ZNF608: variants seen among roughly 807,000 people sequenced by gnomAD.
ZNF608 encodes renal carcinoma antigen NY-REN-36.
ZNF608 carries 12 observed loss-of-function variants against 109.0 expected under a neutral mutation model. The ratio of observed to expected loss-of-function variants is 0.11; its 90% CI spans 0.07 to 0.18. ZNF608 has a LOEUF of 0.18. ZNF608 is among the 10% of genes least tolerant of loss of function. The pLI is 1.00. For synonymous variants in ZNF608, 732 were observed against 717.4 expected, an observed-to-expected ratio of 1.02 and a Z score of -0.33; for missense variants, 1,707 against 1,879.3, an observed-to-expected ratio of 0.91 and a Z score of 1.70.
chr5:124,688,174 T>TA (rs1752475354), intron 3 of ZNF608, among the ~76,000 whole-genome samples: 1 of 152,140 alleles, frequency 6.6e-6, no homozygotes, highest in African/African-American at 2.4e-5. Context: ...TCTTCATATT[T>TA]AAAAGTATCT....
At chr5:124,727,576 G>T (rs1330671917) in intron 2 of ZNF608, among the ~76,000 whole-genome samples, 2 of 140,830 alleles carry the variant, frequency 1.4e-5, no homozygotes, top group Non-Finnish European at 3.0e-5. Context: ...CAATCCTCAA[G>T]ATCTCATTTT....
chr5:124,687,219 A>G (rs1752442257), intron 3 of ZNF608, among the ~76,000 whole-genome samples: 1 of 152,162 alleles, frequency 6.6e-6, no homozygotes, highest in Admixed American at 6.5e-5. Context: ...TTTTCTTTGG[A>G]TGGTCTGTAT....
At chr5:124,694,236 GC>G (rs1215632209) in intron 3 of ZNF608, among the ~76,000 whole-genome samples, 1 of 137,472 alleles carries the variant, frequency 7.3e-6, no homozygotes, top group African/African-American at 2.7e-5. Flanking sequence ...CTCCTGATCC[GC>G]CCGCCTCGGC....
At chr5:124,710,620 T>C (rs759986129) in intron 2 of ZNF608, 1 of 156,758 alleles carries the variant, frequency 6.4e-6, no homozygotes, top group Non-Finnish European at 1.4e-5. Flanking sequence ...TGCTCACATA[T>C]ATTCAACATA....
chr5:124,723,421 C>T (rs1227089490), intron 2 of ZNF608, among the ~76,000 whole-genome samples: 1 of 152,158 alleles, frequency 6.6e-6, no homozygotes, highest in African/African-American at 2.4e-5. Context: ...GGCACAGTGG[C>T]TCACCCCTGT....
intron 3 of ZNF608, 39 bp from the exon 4 acceptor site, chr5:124,649,736 A>C: frequency 7.8e-7 from 1 of 1,282,990 alleles, no homozygotes; most frequent in Non-Finnish European, 1.1e-6. Context: ...CATAGTTACC[A>C]CTGATTACTG....
chr5:124,744,183 A>T lies in ZNF608; in HGVS notation c.807T>A (p.Ser269Arg). ...SVAAAGEVSK[S>R]APDSGLMGNS... The stretch of plus-strand genomic sequence containing the variant: ...TTCCCATGAGCCCTGAATCCGGGGC[A>T]CTTTTGCTAACTTCCCCTGCAGCGG... The change falls in exon 2 of 10, where the codon AGT (serine) becomes AGA (arginine). Residue 269 changes from serine (S) to arginine (R), a missense_variant. By Grantham distance (110) the Ser-to-Arg change is moderately radical. Transcript: ENST00000513986. This position sits in a 1 kb window ranked among gnomAD's most constrained non-coding sequence, Gnocchi z 4.5. The T allele has an allele frequency of 6.2e-7, 1 of 1,613,480 alleles. No individual in the cohort carries two copies. Among genetic ancestry groups the T allele is most frequent in the Non-Finnish European group, 8.5e-7 (1 of 1,179,958 alleles).
chr5:124,681,710 C>A (rs972547081), intron 3 of ZNF608, among the ~76,000 whole-genome samples: 3 of 152,162 alleles, frequency 2.0e-5, no homozygotes, highest in African/African-American at 7.2e-5. Flanking sequence ...GACCATGCTA[C>A]TCACTCTAGC....
chr5:124,716,016 A>T (rs548602079), intron 2 of ZNF608, among the ~76,000 whole-genome samples: 4 of 151,582 alleles, frequency 2.6e-5, no homozygotes, highest in Non-Finnish European at 4.4e-5. Flanking sequence ...GGTGGCGGGC[A>T]CCTGTAGTCC....
In ZNF608 at chr5:124,700,989, A is replaced by G. The variant is rs1397986700; in HGVS notation, c.1162+25T>C. The G allele has an allele frequency of 2.5e-6, 4 of 1,611,124 alleles. No homozygotes were observed. The South Asian group carries it at 4.4e-5, about 18-fold the overall frequency. ...ATCATGGGGAAGAGGGCATCGGGAA[A>G]TATATAAAAATAAATTGTATTTACC... On this transcript the variant is annotated intron_variant, in intron 3 of 9. Transcript: ENST00000513986.
At chr5:124,687,637 AT>A (rs1333188131) in intron 3 of ZNF608, among the ~76,000 whole-genome samples, 1 of 152,098 alleles carries the variant, frequency 6.6e-6, no homozygotes, top group Non-Finnish European at 1.5e-5. Context: ...ATACCCTGCA[AT>A]TGTGCCCACG....
intron 3 of ZNF608, among the ~76,000 whole-genome samples, chr5:124,685,864 C>G (rs1039092504): frequency 6.6e-6 from 1 of 152,140 alleles, no homozygotes; most frequent in African/African-American, 2.4e-5. Flanking sequence ...CATAGATTCC[C>G]CCATACTTCA....
intron 2 of ZNF608, among the ~76,000 whole-genome samples, chr5:124,736,959 A>G (rs1749181757): frequency 6.6e-6 from 1 of 152,208 alleles, no homozygotes; most frequent in Admixed American, 6.5e-5. Flanking sequence ...AGACCAAGCT[A>G]TTATTTCAAA....
At chr5:124,651,389 C>G (rs1193415687) in intron 3 of ZNF608, among the ~76,000 whole-genome samples, 2 of 152,092 alleles carry the variant, frequency 1.3e-5, no homozygotes, top group Non-Finnish European at 1.5e-5. Context: ...CTCTGGGGCA[C>G]TGTGTGTGGT....
At chr5:124,743,012 C>G (rs1259469146) in intron 2 of ZNF608, among the ~76,000 whole-genome samples, 1 of 152,106 alleles carries the variant, frequency 6.6e-6, no homozygotes, top group East Asian at 1.9e-4. Flanking sequence ...ACACACACAC[C>G]CCTAACTCCT....
intron 3 of ZNF608, among the ~76,000 whole-genome samples, chr5:124,667,700 T>C (rs1321642808): frequency 6.6e-6 from 1 of 152,202 alleles, no homozygotes; most frequent in Non-Finnish European, 1.5e-5. Context: ...CTATTCAAAA[T>C]GTCTTCCAAA....
chr5:124,666,915 T>C (rs919763275), intron 3 of ZNF608, among the ~76,000 whole-genome samples: 1 of 151,992 alleles, frequency 6.6e-6, no homozygotes, highest in African/African-American at 2.4e-5. Context: ...CACAAAATAA[T>C]GAAAAAATTT....
intron 3 of ZNF608, among the ~76,000 whole-genome samples, chr5:124,693,974 C>CTTTTTCTTTTTTTTT (rs1752723931): frequency 1.6e-5 from 1 of 60,934 alleles, no homozygotes; most frequent in African/African-American, 7.6e-5. Context: ...TTTCATTAAT[C>CTTTTTCTTTTTTTTT]TTTTTTTTTT....
chr5:124,668,128 G>T (rs1751556544), intron 3 of ZNF608, among the ~76,000 whole-genome samples: 2 of 150,688 alleles, frequency 1.3e-5, no homozygotes, highest in Non-Finnish European at 3.0e-5. Context: ...GAGGCAGGAG[G>T]ATTCACTTGA....
Sources: gnomAD v4.1 joint callset for allele counts (sites outside exome capture counted in the v4.1 genomes callset) on GRCh38, gnomAD v4.1.1 for gene constraint, Gnocchi (gnomAD v3.1) non-coding constraint, MANE v1.5 for transcripts, NCBI Gene and HGNC (gene_info 2026-07-23, HGNC 2026-07-21) for gene names.